GLIS3: variants seen among roughly 807,000 people sequenced by gnomAD.
The protein encoded by GLIS3 is GLIS family zinc finger 3, also known as zinc finger protein GLIS3.
Under a neutral mutation model 78.6 loss-of-function variants are expected in GLIS3, and 53 were observed. The observed-to-expected ratio is 0.67, with a 90% CI of 0.54 to 0.85. The LOEUF (loss-of-function observed/expected upper bound fraction) is 0.85, where lower values mean the gene tolerates loss of function less well. Ranked by LOEUF, GLIS3 falls within the 40% of genes least tolerant of loss-of-function variation. The pLI is 0.00. For synonymous variants in GLIS3, 684 were observed against 509.9 expected (o/e 1.34, Z -4.60); for missense variants, 1,703 against 1,231.1 (o/e 1.38, Z -5.74).
intron 4 of GLIS3, among the ~76,000 whole-genome samples, chr9:3,942,191 C>T (rs1815975685): frequency 6.6e-6 from 1 of 152,106 alleles, no homozygotes; most frequent in African/African-American, 2.4e-5. Flanking sequence ...GTCAACTAAA[C>T]CCAAACAGAA....
chr9:4,048,133 C>A (rs184338831), intron 4 of GLIS3, among the ~76,000 whole-genome samples: 15 of 152,290 alleles, frequency 9.8e-5, no homozygotes, highest in East Asian at 9.6e-4. Context: ...TGTGTTCACA[C>A]TGAATTTATC....
chr9:4,314,924 C>G (rs1449314250), intron 2 of GLIS3, among the ~76,000 whole-genome samples: 2 of 152,194 alleles, frequency 1.3e-5, no homozygotes, highest in Non-Finnish European at 2.9e-5. Context: ...TGCTGGAACT[C>G]TCAGGGATTC....
At chr9:4,132,517 T>C (rs1833054383) in intron 2 of GLIS3, among the ~76,000 whole-genome samples, 1 of 152,110 alleles carries the variant, frequency 6.6e-6, no homozygotes, top group Non-Finnish European at 1.5e-5. Flanking sequence ...AAGAATGAAA[T>C]ATATCTGGGA....
chr9:4,428,845 T>A, the GLIS3 span, among the ~76,000 whole-genome samples: 1 of 152,194 alleles, frequency 6.6e-6, no homozygotes, highest in Non-Finnish European at 1.5e-5. Context: ...AGCCTGTTCA[T>A]CTGCCAATGC....
chr9:4,301,409 A>G (rs1055528187), upstream of GLIS3, among the ~76,000 whole-genome samples: 2 of 152,234 alleles, frequency 1.3e-5, no homozygotes, highest in East Asian at 1.9e-4. Context: ...AGCATGCAGC[A>G]ACATCACAAA....
At chr9:4,414,326 T>A in the GLIS3 span, among the ~76,000 whole-genome samples, 2 of 152,212 alleles carry the variant, frequency 1.3e-5, no homozygotes, top group Non-Finnish European at 2.9e-5. Context: ...AGGCATTTTT[T>A]AAGCACTTCA....
At chr9:4,336,154 G>A (rs1259821939) in intron 2 of GLIS3, among the ~76,000 whole-genome samples, 1 of 152,170 alleles carries the variant, frequency 6.6e-6, no homozygotes, top group Non-Finnish European at 1.5e-5. Flanking sequence ...TAGTTCTCTG[G>A]CTCTAGCCCA....
At chr9:4,193,554 G>C (rs1818522694) in intron 2 of GLIS3, among the ~76,000 whole-genome samples, 1 of 152,186 alleles carries the variant, frequency 6.6e-6, no homozygotes, top group South Asian at 2.1e-4. Flanking sequence ...GGCTTAACTA[G>C]GTTAGTGGTA....
Position 4,311,077 on chromosome 9 carries a change from G to A in GLIS3, n.265-549C>T, listed in dbSNP as rs146450699. Among the ~76,000 whole-genome samples, 188 of 152,282 alleles carry A rather than the reference G, an allele frequency of 1.2e-3. 1 individual carries two copies. Among genetic ancestry groups the A allele is most frequent in the African/African-American group, 4.0e-3 (167 of 41,542 alleles). On this transcript the variant is annotated intron_variant and non_coding_transcript_variant, in intron 2 of 4. Coordinates refer to the GLIS3 transcript ENST00000471664. ...CTAATCCGAAAGCCAGAGTGTCTTC[G>A]CAGGAGTTCTTAATGCTAAGGAGTC...
chr9:4,369,623 T>G, the GLIS3 span, among the ~76,000 whole-genome samples: 21 of 152,170 alleles, frequency 1.4e-4, no homozygotes, highest in Non-Finnish European at 2.8e-4. Context: ...GTGCAAGCAG[T>G]TATCCCTCTT....
chr9:4,466,822 C>A, the GLIS3 span, among the ~76,000 whole-genome samples: 1 of 152,218 alleles, frequency 6.6e-6, no homozygotes, highest in Admixed American at 6.5e-5. Context: ...TGAGCTGAAG[C>A]AGTGCAGGGC....
the GLIS3 span, among the ~76,000 whole-genome samples, chr9:4,397,030 T>C: frequency 5.0e-4 from 58 of 116,576 alleles, no homozygotes; most frequent in African/African-American, 1.2e-3. Context: ...TTTTCTTTTT[T>C]TTTTTTTTTT....
At chr9:4,133,329 T>C (rs552280682) in intron 2 of GLIS3, among the ~76,000 whole-genome samples, 2 of 152,338 alleles carry the variant, frequency 1.3e-5, no homozygotes, top group East Asian at 3.9e-4. Context: ...AACAATTGTT[T>C]TCCAATCCAG....
chr9:3,911,866 C>A (rs1824176808), intron 6 of GLIS3, among the ~76,000 whole-genome samples: 3 of 152,128 alleles, frequency 2.0e-5, no homozygotes, highest in African/African-American at 7.2e-5. Flanking sequence ...AGTGTAGAAG[C>A]ACTGTTATCA....
chr9:4,085,943 A>C (rs1199086359), intron 4 of GLIS3, among the ~76,000 whole-genome samples: 1 of 152,170 alleles, frequency 6.6e-6, no homozygotes, highest in Non-Finnish European at 1.5e-5. Flanking sequence ...TAAATTACCC[A>C]GTCCTGGGTA....
chr9:4,346,146 C>G (rs1420604152), intron 2 of GLIS3, among the ~76,000 whole-genome samples: 1 of 152,120 alleles, frequency 6.6e-6, no homozygotes, highest in Non-Finnish European at 1.5e-5. Context: ...CGATTATGTA[C>G]TTGCCTGTAA....
At chr9:3,840,145 A>T (rs1201940498) in intron 9 of GLIS3, among the ~76,000 whole-genome samples, 1 of 152,224 alleles carries the variant, frequency 6.6e-6, no homozygotes, top group African/African-American at 2.4e-5. Context: ...CATTTGGTGC[A>T]TTCTCTGGCA....
At chr9:3,986,007 AAG>A (rs1160142627) in intron 4 of GLIS3, among the ~76,000 whole-genome samples, 1 of 152,250 alleles carries the variant, frequency 6.6e-6, no homozygotes, top group Admixed American at 6.5e-5. Flanking sequence ...GCTAATTAAA[AAG>A]AAATTAAGCA....
intron 2 of GLIS3, among the ~76,000 whole-genome samples, chr9:4,192,658 G>A (rs1280689375): frequency 6.6e-6 from 1 of 152,118 alleles, no homozygotes; most frequent in African/African-American, 2.4e-5. Flanking sequence ...CATGCATTCA[G>A]CAAATATTTA....
Sources: allele counts gnomAD v4.1 joint callset (sites outside exome capture counted in the v4.1 genomes callset), GRCh38; gene constraint gnomAD v4.1.1; transcripts MANE v1.5; gene names NCBI Gene and HGNC (gene_info 2026-07-23, HGNC 2026-07-21).